The following FAT3 variants were observed in gnomAD, a reference collection of about 807,000 sequenced individuals.
The protein encoded by FAT3 is FAT atypical cadherin 3.
A neutral mutation model predicts 310.2 loss-of-function variants in FAT3; 95 were observed. The observed-to-expected ratio is 0.31, with a 90% confidence interval of 0.26 to 0.36. The LOEUF (loss-of-function observed/expected upper bound fraction) is 0.36, where lower values mean the gene tolerates loss of function less well. Among genes scored for constraint, FAT3 ranks in the 10% least tolerant of loss-of-function variants. The probability of loss-of-function intolerance (pLI) is 1.00; values close to 1 mark genes in which losing one functional copy is unlikely to be tolerated. For missense variants in FAT3, 5,408 were observed against 5,715.6 expected, an observed-to-expected ratio of 0.95 and a Z score of 1.74; for synonymous variants, 2,314 against 2,192.9, an observed-to-expected ratio of 1.06 and a Z score of -1.54.
intron 2 of FAT3, among the ~76,000 whole-genome samples, chr11:92,451,755 A>G (rs1333371845): frequency 6.6e-6 from 1 of 152,194 alleles, no homozygotes; most frequent in Non-Finnish European, 1.5e-5. Context: ...CAAGATCTGA[A>G]AAAGTCCTTT....
intron 19 of FAT3, among the ~76,000 whole-genome samples, chr11:92,848,634 T>G (rs1948744236): frequency 6.6e-6 from 1 of 152,232 alleles, no homozygotes; most frequent in African/African-American, 2.4e-5. Context: ...ATGGGTGTGG[T>G]GGAAGAAGTG....
At chr11:92,433,609 G>T (rs565140539) in intron 2 of FAT3, among the ~76,000 whole-genome samples, 1 of 152,270 alleles carries the variant, frequency 6.6e-6, no homozygotes, top group East Asian at 1.9e-4. Context: ...ACCTCAGTTG[G>T]AAATGCAGAA....
chr11:92,325,824 G>A (rs769851803), intron 1 of FAT3, among the ~76,000 whole-genome samples: 4 of 152,116 alleles, frequency 2.6e-5, no homozygotes, highest in Non-Finnish European at 4.4e-5. Flanking sequence ...TAGATACCGG[G>A]TTTCACCGTG....
chr11:92,718,784 A>G (rs773545894), intron 4 of FAT3, among the ~76,000 whole-genome samples: 3 of 152,210 alleles, frequency 2.0e-5, no homozygotes, highest in Non-Finnish European at 2.9e-5. Context: ...ACAAGTGAAC[A>G]TTAGTTTTGC....
At chr11:92,516,222 C>G (rs1018385539) in intron 2 of FAT3, among the ~76,000 whole-genome samples, 1 of 152,008 alleles carries the variant, frequency 6.6e-6, no homozygotes, top group Non-Finnish European at 1.5e-5. Flanking sequence ...TGATGAACAT[C>G]AATGTGAAAA....
chr11:92,556,116 G>A (rs1042244931), intron 3 of FAT3, among the ~76,000 whole-genome samples: 7 of 152,152 alleles, frequency 4.6e-5, no homozygotes, highest in African/African-American at 1.7e-4. Context: ...TGTTTTATGA[G>A]TTTGCTCATA....
At chr11:92,758,511 A>C (rs892032405) in intron 4 of FAT3, among the ~76,000 whole-genome samples, 1 of 152,220 alleles carries the variant, frequency 6.6e-6, no homozygotes, top group Middle Eastern at 3.2e-3. Context: ...CAAGCTCACC[A>C]TGTAACTGAG....
chr11:92,319,690 T>C (rs751679577), intron 1 of FAT3, among the ~76,000 whole-genome samples: 1 of 152,166 alleles, frequency 6.6e-6, no homozygotes, highest in Non-Finnish European at 1.5e-5. Flanking sequence ...CTAAAAGTAA[T>C]TTTTTCTTAT....
chr11:92,857,433 C>T, intron 20 of FAT3, 85 bp downstream of exon 20: 1 of 1,566,070 alleles, frequency 6.4e-7, no homozygotes, highest in Non-Finnish European at 8.7e-7. Flanking sequence ...TCCAAGTCCT[C>T]CCAGAAAACG....
At chr11:92,880,982 G>A in intron 23 of FAT3, 98 bp downstream of exon 23, 5 of 1,345,714 alleles carry the variant, frequency 3.7e-6, no homozygotes, top group Non-Finnish European at 5.1e-6. Context: ...ACCACTAATA[G>A]TACAGGCAAA....
Position 92,353,815 on chromosome 11 carries a change from T to G in FAT3, c.1703T>G (p.Ile568Arg). Reference protein sequence around the residue: ...HESEVNVTIRIGNVNDNSPLF... With the variant: ...HESEVNVTIRRGNVNDNSPLF... The stretch of plus-strand genomic sequence containing the variant: ...AGTGAGGTCAATGTGACTATTCGAA[T>G]AGGAAATGTCAACGACAACAGCCCT... Residue 568 changes from isoleucine to arginine, a missense_variant, in exon 2 of 28, where the codon ATA (isoleucine) becomes AGA (arginine). Physicochemically the swap from Ile to Arg is moderately conservative, Grantham distance 97. This residue lies in a region of FAT3 where 4,588 missense variants were observed against 4,809.8 expected (regional missense o/e 0.95). Transcript: ENST00000525166. 2 of 1,613,664 alleles carry G rather than the reference T, an allele frequency of 1.2e-6. No homozygotes were observed. The highest frequency in any genetic ancestry group is 1.7e-6 in the Non-Finnish European group (2 of 1,179,706).
chr11:92,543,874 C>T (rs950165200), intron 3 of FAT3, among the ~76,000 whole-genome samples: 10 of 152,168 alleles, frequency 6.6e-5, no homozygotes, highest in Non-Finnish European at 1.5e-5. Context: ...CACATCTTCC[C>T]TCAAGATAGG....
rs1950015036 is a variant in FAT3 at position 92,895,749 on chromosome 11, A to C, written c.*4636A>C. 1 of 152,194 alleles carries C rather than the reference A, an allele frequency of 6.6e-6. No individual in the cohort carries two copies. Among genetic ancestry groups the C allele is most frequent in the South Asian group, 2.1e-4 (1 of 4,826 alleles). 9.4% of individuals were successfully genotyped at this position (152,194 alleles called of 1,614,324 possible). A position where few individuals can be genotyped will look rare whatever the true frequency, so the allele number is the denominator to read the frequency against. On this transcript the variant is annotated 3_prime_UTR_variant, in exon 28 of 28. Transcript: ENST00000525166. Reference sequence around the variant, plus strand: ...CTGTTGCAAACAGGCTGGTTTGTAAAAGATGTATGTTTTGGTGTTTGAAAT... The same window carrying C: ...CTGTTGCAAACAGGCTGGTTTGTAACAGATGTATGTTTTGGTGTTTGAAAT...
At chr11:92,679,702 C>T (rs1341490805) in intron 3 of FAT3, among the ~76,000 whole-genome samples, 3 of 151,688 alleles carry the variant, frequency 2.0e-5, no homozygotes, top group Non-Finnish European at 2.9e-5. Flanking sequence ...ATTAGCCAGG[C>T]GTGGTGGCAA....
At chr11:92,646,626 C>T (rs1046700305) in intron 3 of FAT3, among the ~76,000 whole-genome samples, 3 of 152,148 alleles carry the variant, frequency 2.0e-5, no homozygotes, top group Non-Finnish European at 4.4e-5. Flanking sequence ...CACATTAATG[C>T]AGAGTAAGAA....
At chr11:92,409,366 A>G (rs1950202402) in intron 2 of FAT3, among the ~76,000 whole-genome samples, 1 of 152,104 alleles carries the variant, frequency 6.6e-6, no homozygotes, top group Non-Finnish European at 1.5e-5. Context: ...CTTGAGAAAA[A>G]AGATGTCATC....
rs1013620901 is a variant in FAT3, at chr11:92,478,857, C to G, written c.3293-45777C>G. 8.5e-5 allele frequency among the ~76,000 whole-genome samples: 13 copies of G among 152,184 alleles called. No individual in the cohort carries two copies. In the South Asian group the frequency reaches 2.3e-3, roughly 27 times the overall value. The stretch of plus-strand genomic sequence containing the variant: ...CAGGCTGGTCTTGAACTCAAGTGAT[C>G]CACCCACCTTGGCCTCCCAAAGTGC... On this transcript the variant is annotated intron_variant, in intron 2 of 27. Transcript: ENST00000525166.
Position 92,225,113 on chromosome 11 carries a change from C to T in FAT3, c.-79C>T, listed in dbSNP as rs1430212452. ...CGCCCGGAGCAAGAGCGCCGAGCAC[C>T]GGGTGAAGAAGACCACGGGGGAGGC... On this transcript the variant is annotated 5_prime_UTR_variant, in exon 1 of 28. Transcript: ENST00000525166. Among the ~76,000 whole-genome samples the T allele has an allele frequency of 6.6e-6, 1 of 152,250 alleles. No homozygotes were observed. Among genetic ancestry groups the T allele is most frequent in the East Asian group, 1.9e-4 (1 of 5,130 alleles).
At chr11:92,608,745 A>G (rs901895236) in intron 3 of FAT3, among the ~76,000 whole-genome samples, 1 of 150,706 alleles carries the variant, frequency 6.6e-6, no homozygotes, top group Non-Finnish European at 1.5e-5. Context: ...TAATAATAAT[A>G]CTCCTCACAT....
Sources: allele counts gnomAD v4.1 joint callset (sites outside exome capture counted in the v4.1 genomes callset), GRCh38; gene constraint gnomAD v4.1.1; regional missense constraint gnomAD v4.1.1; transcripts MANE v1.5; gene names NCBI Gene and HGNC (gene_info 2026-07-23, HGNC 2026-07-21).